PIAS1: variants seen among roughly 807,000 people sequenced by gnomAD.
PIAS1 encodes the protein E3 SUMO-protein ligase PIAS1.
PIAS1 carries 6 observed loss-of-function variants against 71.3 expected under a neutral mutation model. That is an observed-to-expected ratio of 0.08 (90% CI 0.05 to 0.17). The LOEUF (loss-of-function observed/expected upper bound fraction) is 0.17. Ranked by LOEUF, PIAS1 falls within the 10% of genes least tolerant of loss-of-function variation. PIAS1 has a pLI of 1.00. For synonymous variants in PIAS1, 303 were observed against 292.9 expected (o/e 1.03, Z -0.35); for missense variants, 555 against 793.6 (o/e 0.70, Z 3.61).
chr15:68,082,978 C>A (rs187361910), intron 1 of PIAS1, among the ~76,000 whole-genome samples: 180 of 152,208 alleles, frequency 1.2e-3, no homozygotes, highest in Non-Finnish European at 2.1e-3. Flanking sequence ...AATGCTCTTG[C>A]ATTCAAAATA....
At chr15:68,062,106 C>CT (rs1378974364) in intron 1 of PIAS1, among the ~76,000 whole-genome samples, 7 of 152,156 alleles carry the variant, frequency 4.6e-5, no homozygotes, top group African/African-American at 1.7e-4. Flanking sequence ...TATCTTCGCT[C>CT]TTTTTTCTTG....
At chr15:68,066,989 A>G (rs1315932927) in intron 1 of PIAS1, among the ~76,000 whole-genome samples, 3 of 152,162 alleles carry the variant, frequency 2.0e-5, no homozygotes, top group Admixed American at 1.3e-4. Flanking sequence ...TGTTGAGGCT[A>G]CTTACCTGGC....
rs1171420998 is a variant in PIAS1 at position 68,104,803 on chromosome 15, A to G, written c.469+18053A>G. 2.0e-5 allele frequency among the ~76,000 whole-genome samples: 3 copies of G among 152,314 alleles called. No individual in the cohort carries two copies. The East Asian group carries it at 5.8e-4, about 29-fold the overall frequency. On this transcript the variant is annotated intron_variant, in intron 2 of 13. Transcript: ENST00000249636. ...ATGTACAAAAATACATATTCCATAAATATGTACAGCAATTATGTAACAAAG... is the reference window on the plus strand; with the variant it reads ...ATGTACAAAAATACATATTCCATAAGTATGTACAGCAATTATGTAACAAAG...
intron 1 of PIAS1, among the ~76,000 whole-genome samples, chr15:68,062,058 C>T (rs2091965035): frequency 6.6e-6 from 1 of 152,152 alleles, no homozygotes; most frequent in African/African-American, 2.4e-5. Flanking sequence ...ATACTCTTGT[C>T]TATAAGACAA....
In PIAS1 at chr15:68,187,224, T is replaced by C. The variant is rs557365727; in HGVS notation, c.1663-318T>C. Among the ~76,000 whole-genome samples, 115 of 152,358 alleles carry C rather than the reference T, an allele frequency of 7.5e-4. 1 individual carries two copies. Among genetic ancestry groups the C allele is most frequent in the African/African-American group, 2.6e-3 (108 of 41,588 alleles). ...TCCTTACTAGCAAGAGCATGGACTG[T>C]CTGCCCCTCCTGCTGCTTCTGAGCA... is the stretch of plus-strand genomic sequence containing the variant. On this transcript the variant is annotated intron_variant, in intron 13 of 13. Transcript: ENST00000249636. This position sits in a 1 kb window ranked among gnomAD's most constrained non-coding sequence, Gnocchi z 5.3.
intron 2 of PIAS1, among the ~76,000 whole-genome samples, chr15:68,118,030 T>C (rs536537578): frequency 6.6e-6 from 1 of 152,268 alleles, no homozygotes; most frequent in East Asian, 1.9e-4. Context: ...TCTGGTTTTG[T>C]GTAGAGTCAG....
chr15:68,126,740 A>G (rs1379495872), intron 2 of PIAS1, among the ~76,000 whole-genome samples: 2 of 151,762 alleles, frequency 1.3e-5, no homozygotes, highest in Admixed American at 6.6e-5. Context: ...TAATTGTTTT[A>G]TAGTTGTACC....
intron 2 of PIAS1, among the ~76,000 whole-genome samples, chr15:68,108,665 T>C (rs1358486153): frequency 6.6e-6 from 1 of 152,190 alleles, no homozygotes; most frequent in Non-Finnish European, 1.5e-5. Context: ...CAACTTTTTT[T>C]CTTCTTCCAA....
At position 68,162,223 on chromosome 15, in the gene PIAS1, G is replaced by T. The variant is rs1050316788; in HGVS notation, c.935-2508G>T. Among the ~76,000 whole-genome samples the T allele has an allele frequency of 3.3e-5, 5 of 152,048 alleles. No homozygotes were observed. The South Asian group carries it at 1.0e-3, about 32-fold the overall frequency. ...ATGCTCTTAACCACTACTTTATGTT[G>T]CCTCTCTTATTTCAATTTATTTTCT... On this transcript the variant is annotated intron_variant, in intron 7 of 13. Transcript: ENST00000249636.
At chr15:68,060,474 G>A (rs1284297538) in intron 1 of PIAS1, among the ~76,000 whole-genome samples, 1 of 151,960 alleles carries the variant, frequency 6.6e-6, no homozygotes, top group Non-Finnish European at 1.5e-5. Flanking sequence ...TTAGCCGGGC[G>A]TGGTGGTGCG....
chr15:68,099,784 A>G (rs964659443), intron 2 of PIAS1, among the ~76,000 whole-genome samples: 5 of 151,756 alleles, frequency 3.3e-5, no homozygotes, highest in Non-Finnish European at 4.4e-5. Context: ...CTTTGCCAGC[A>G]TATTTGTTAT....
At chr15:68,076,754 T>C (rs2092170225) in intron 1 of PIAS1, among the ~76,000 whole-genome samples, 1 of 152,140 alleles carries the variant, frequency 6.6e-6, no homozygotes, top group Non-Finnish European at 1.5e-5. Context: ...AAAGGGTGTG[T>C]TAAGATTATA....
At chr15:68,119,859 A>G (rs2092598718) in intron 2 of PIAS1, among the ~76,000 whole-genome samples, 1 of 152,236 alleles carries the variant, frequency 6.6e-6, no homozygotes, top group Non-Finnish European at 1.5e-5. Flanking sequence ...ACTATTATGT[A>G]CATGTCCTCT....
At chr15:68,088,176 G>GTATGTGTATATATATATA (rs1555424823) in intron 2 of PIAS1, among the ~76,000 whole-genome samples, 3 of 72,998 alleles carry the variant, frequency 4.1e-5, no homozygotes, top group African/African-American at 1.9e-4. Flanking sequence ...TTATGTGTGT[G>GTATGTGTATATATATATA]TATATATATA....
At chr15:68,075,078 CTTTTTT>C (rs146114696) in intron 1 of PIAS1, among the ~76,000 whole-genome samples, 1 of 81,784 alleles carries the variant, frequency 1.2e-5, no homozygotes, top group Non-Finnish European at 2.4e-5. Flanking sequence ...TTCTTTCTTT[CTTTTTT>C]TTTTTTTTTT....
intron 2 of PIAS1, among the ~76,000 whole-genome samples, chr15:68,139,478 A>G (rs934512197): frequency 2.0e-5 from 3 of 152,238 alleles, no homozygotes; most frequent in African/African-American, 7.2e-5. Context: ...TACATAAACT[A>G]TTGTACTCAT....
At chr15:68,075,720 C>T (rs548981705) in intron 1 of PIAS1, among the ~76,000 whole-genome samples, 1 of 150,546 alleles carries the variant, frequency 6.6e-6, no homozygotes, top group South Asian at 2.1e-4. Context: ...TAACTTTTTG[C>T]TGTAACCTAT....
chr15:68,183,798 C>T, intron 13 of PIAS1, 131 bp downstream of exon 13: 1 of 539,924 alleles, frequency 1.9e-6, no homozygotes, highest in Non-Finnish European at 3.4e-6. Context: ...TGAAAAATCC[C>T]TACATCAATT....
intron 2 of PIAS1, among the ~76,000 whole-genome samples, chr15:68,098,708 T>C (rs2092398556): frequency 6.6e-6 from 1 of 152,184 alleles, no homozygotes; most frequent in South Asian, 2.1e-4. Flanking sequence ...CAAACAAACA[T>C]ATTTGCCTCA....
Sources: allele counts gnomAD v4.1 joint callset (sites outside exome capture counted in the v4.1 genomes callset), GRCh38; gene constraint gnomAD v4.1.1; non-coding constraint Gnocchi (gnomAD v3.1); transcripts MANE v1.5; gene names NCBI Gene and HGNC (gene_info 2026-07-23, HGNC 2026-07-21).